Variants in CFAP299 observed in about 807,000 individuals in gnomAD.
CFAP299 encodes cilia and flagella associated protein 299.
CFAP299 carries 21 observed loss-of-function variants against 27.0 expected under a neutral mutation model. The ratio of observed to expected loss-of-function variants is 0.78; its 90% confidence interval spans 0.55 to 1.12. The LOEUF is 1.12. Ranked by LOEUF, CFAP299 falls within the 50% of genes most tolerant of loss-of-function variation. The pLI is 0.00. For missense variants in CFAP299, 310 were observed against 276.6 expected (o/e 1.12, Z -0.86); for synonymous variants, 104 against 98.1 (o/e 1.06, Z -0.36).
At chr4:80,843,166 G>C (rs1168203101) in intron 3 of CFAP299, among the ~76,000 whole-genome samples, 1 of 151,858 alleles carries the variant, frequency 6.6e-6, no homozygotes, top group African/African-American at 2.4e-5. Context: ...GTGCCATGTT[G>C]CTGTGCTGCA....
At chr4:80,543,966 A>G (rs1293700520) in intron 2 of CFAP299, among the ~76,000 whole-genome samples, 1 of 152,196 alleles carries the variant, frequency 6.6e-6, no homozygotes, top group Non-Finnish European at 1.5e-5. Context: ...GTCAGGTCAC[A>G]TACAAAGGGA....
chr4:80,598,163 TGCTAAA>T (rs1355907169), intron 3 of CFAP299, among the ~76,000 whole-genome samples: 3 of 152,202 alleles, frequency 2.0e-5, no homozygotes, highest in African/African-American at 7.2e-5. Flanking sequence ...TTAGATGTTA[TGCTAAA>T]GAGTTTAGCA....
chr4:80,713,993 A>G (rs1324348659), intron 3 of CFAP299, among the ~76,000 whole-genome samples: 1 of 152,126 alleles, frequency 6.6e-6, no homozygotes, highest in Non-Finnish European at 1.5e-5. Flanking sequence ...AGCAGCCTCT[A>G]TTAAACTTAT....
rs1722258094 is a variant in CFAP299 at position 80,712,938 on chromosome 4, T to C, written c.333+129755T>C. On this transcript the variant is annotated intron_variant, in intron 3 of 5. Coordinates refer to ENST00000358105, the MANE Select transcript of CFAP299 (RefSeq NM_152770.3). ...TTAGTGGAGTGCCCTATTAGAACCC[T>C]GTTAAAGGGCTATCCTTTCATTCAT... is the stretch of plus-strand genomic sequence containing the variant. Among the ~76,000 whole-genome samples the C allele has an allele frequency of 3.9e-5, 6 of 152,150 alleles. 1 individual carries two copies. The South Asian group carries it at 1.2e-3, about 32-fold the overall frequency.
At chr4:80,738,356 G>C (rs915571631) in intron 3 of CFAP299, among the ~76,000 whole-genome samples, 3 of 152,044 alleles carry the variant, frequency 2.0e-5, no homozygotes, top group African/African-American at 7.2e-5. Flanking sequence ...CTATTTATTT[G>C]GGTCTGTGTC....
chr4:80,414,764 C>T (rs1382478349), intron 2 of CFAP299, among the ~76,000 whole-genome samples: 1 of 152,178 alleles, frequency 6.6e-6, no homozygotes, highest in Admixed American at 6.5e-5. Context: ...TTACTAACCC[C>T]CTCTGTACCC....
chr4:80,954,663 G>A (rs979430438), intron 5 of CFAP299, among the ~76,000 whole-genome samples: 7 of 152,010 alleles, frequency 4.6e-5, no homozygotes, highest in East Asian at 1.9e-4. Flanking sequence ...GCTCCAAGGG[G>A]ATAGGTTCTT....
At position 80,690,581 on chromosome 4, in the gene CFAP299, A is replaced by G. The variant is rs865895049; in HGVS notation, c.333+107398A>G. 4.6e-3 allele frequency among the ~76,000 whole-genome samples: 696 copies of G among 152,258 alleles called. 7 individuals carry two copies. The highest frequency in any genetic ancestry group is 0.016 in the African/African-American group (659 of 41,558). On this transcript the variant is annotated intron_variant, in intron 3 of 5. Coordinates refer to ENST00000358105, the MANE Select transcript of CFAP299 (RefSeq NM_152770.3). Reference sequence around the variant, plus strand: ...AAATTTATAGCACTACATGCCCACAAGAGAAAGCAGGAAAGATCCAAAATT... The same window carrying G: ...AAATTTATAGCACTACATGCCCACAGGAGAAAGCAGGAAAGATCCAAAATT...
chr4:80,882,971 A>C (rs1178432907), intron 4 of CFAP299, among the ~76,000 whole-genome samples: 1 of 152,160 alleles, frequency 6.6e-6, no homozygotes, highest in African/African-American at 2.4e-5. Context: ...AAAATACATA[A>C]AATTATAAAT....
the CFAP299 span, among the ~76,000 whole-genome samples, chr4:80,329,227 A>G: frequency 7.9e-4 from 117 of 148,932 alleles, no homozygotes; most frequent in African/African-American, 2.7e-3. Context: ...ATATATATAT[A>G]TATGTTATCA....
intron 2 of CFAP299, among the ~76,000 whole-genome samples, chr4:80,571,690 A>G (rs779254745): frequency 3.9e-5 from 6 of 151,930 alleles, no homozygotes; most frequent in Non-Finnish European, 8.8e-5. Context: ...AGATGACATC[A>G]TAAGGGTTGG....
At chr4:80,738,957 C>A (rs902111212) in intron 3 of CFAP299, among the ~76,000 whole-genome samples, 24 of 151,890 alleles carry the variant, frequency 1.6e-4, no homozygotes, top group African/African-American at 4.3e-4. Context: ...CAGGTACTAT[C>A]TTATAACCCA....
At chr4:80,853,023 A>T (rs1391506582) in intron 3 of CFAP299, among the ~76,000 whole-genome samples, 2 of 110,580 alleles carry the variant, frequency 1.8e-5, no homozygotes, top group South Asian at 3.0e-4. Flanking sequence ...TTTTCTTTTT[A>T]TTTATTTATT....
intron 3 of CFAP299, among the ~76,000 whole-genome samples, chr4:80,622,482 C>A (rs992329324): frequency 4.6e-5 from 7 of 152,114 alleles, no homozygotes; most frequent in African/African-American, 1.7e-4. Context: ...TTGTTTTCTT[C>A]ATTTTGTTGA....
At chr4:80,871,719 A>C in intron 4 of CFAP299, 45 of 800,456 alleles carry the variant, frequency 5.6e-5, no homozygotes, top group Non-Finnish European at 6.2e-5. Context: ...AAGATATCTC[A>C]TTTCACCTGC....
Position 80,375,756 on chromosome 4 carries a change from C to T in CFAP299, c.242+12872C>T, listed in dbSNP as rs141112564. Among the ~76,000 whole-genome samples the T allele has an allele frequency of 7.2e-4, 109 of 152,280 alleles. No homozygotes were observed. The Middle Eastern group carries it at 0.01, about 14-fold the overall frequency. The stretch of plus-strand genomic sequence containing the variant: ...AAGCAAAGATTGCCTGCTAGAGGGG[C>T]GCCACATTTGGTGGAAATGGTTAGG... On this transcript the variant is annotated intron_variant, in intron 2 of 5. Transcript: ENST00000358105.
At chr4:80,557,826 C>T (rs770309590) in intron 2 of CFAP299, among the ~76,000 whole-genome samples, 5 of 152,090 alleles carry the variant, frequency 3.3e-5, no homozygotes, top group South Asian at 2.1e-4. Context: ...AATTTCTTTT[C>T]GGCTACTTTA....
At position 80,748,386 on chromosome 4, in the gene CFAP299, T is replaced by C. The variant is rs183424504; in HGVS notation, c.334-121607T>C. On this transcript the variant is annotated intron_variant, in intron 3 of 5. Coordinates refer to ENST00000358105, the MANE Select transcript of CFAP299 (RefSeq NM_152770.3). ...GAAATAATTTAACATGTCTTTAGGGTAATAAAAAAATTCATAATCTCCTAA... is the reference window on the plus strand; with the variant it reads ...GAAATAATTTAACATGTCTTTAGGGCAATAAAAAAATTCATAATCTCCTAA... 7.2e-5 allele frequency among the ~76,000 whole-genome samples: 11 copies of C among 152,208 alleles called. No homozygotes were observed. In the East Asian group the frequency reaches 2.1e-3, roughly 29 times the overall value.
intron 3 of CFAP299, among the ~76,000 whole-genome samples, chr4:80,688,023 T>C (rs921417049): frequency 1.3e-5 from 2 of 152,228 alleles, no homozygotes; most frequent in African/African-American, 2.4e-5. Context: ...GTCCCGCACC[T>C]GGCTCGGAGG....
Sources: allele counts gnomAD v4.1 joint callset (sites outside exome capture counted in the v4.1 genomes callset), GRCh38; gene constraint gnomAD v4.1.1; transcripts MANE v1.5; gene names NCBI Gene and HGNC (gene_info 2026-07-23, HGNC 2026-07-21).